Variants in ADAMTSL3 observed in about 807,000 individuals in gnomAD.
ADAMTSL3 encodes the protein ADAMTS like 3.
Under a neutral mutation model 201.7 loss-of-function variants are expected in ADAMTSL3, and 128 were observed. The observed-to-expected ratio is 0.63, with a 90% confidence interval of 0.55 to 0.73. ADAMTSL3 has a LOEUF of 0.73. ADAMTSL3 is among the 30% of genes least tolerant of loss of function. The probability of loss-of-function intolerance (pLI) is 0.00; values close to 1 mark genes in which losing one functional copy is unlikely to be tolerated. For missense variants in ADAMTSL3, 1,990 were observed against 2,119.6 expected, an observed-to-expected ratio of 0.94 and a Z score of 1.20; for synonymous variants, 738 against 748.4, an observed-to-expected ratio of 0.99 and a Z score of 0.23.
At chr15:83,713,261 C>G (rs957674366) in intron 3 of ADAMTSL3, among the ~76,000 whole-genome samples, 2 of 152,202 alleles carry the variant, frequency 1.3e-5, no homozygotes, top group African/African-American at 4.8e-5. Context: ...CTCAATGTCA[C>G]CTTTGATCAT....
At chr15:83,928,352 A>C (rs2066287442) in intron 17 of ADAMTSL3, among the ~76,000 whole-genome samples, 1 of 152,142 alleles carries the variant, frequency 6.6e-6, no homozygotes, top group African/African-American at 2.4e-5. Context: ...AAAGAAGAGT[A>C]AAAAGAAGAA....
At position 84,025,380 on chromosome 15, in the gene ADAMTSL3, C is replaced by T. The variant is rs780875109; in HGVS notation, c.4600C>T (p.Leu1534=). ...PRACAPKDRP[L]GRKPCFGHPC... The stretch of plus-strand genomic sequence containing the variant: ...AGCATGTGCCCCTAAAGACCGGCCT[C>T]TGGGAAGAAAACCATGTTTTGGTCA... Residue 1534 remains leucine, a synonymous_variant, in exon 27 of 30, where the codon CTG becomes TTG. Coordinates refer to ENST00000286744, the MANE Select transcript of ADAMTSL3 (RefSeq NM_207517.3). The T allele has an allele frequency of 1.5e-5, 25 of 1,614,008 alleles. No homozygotes were observed. The Admixed American group carries it at 2.7e-4, about 17-fold the overall frequency.
chr15:83,933,354 A>G (rs2142011670), intron 17 of ADAMTSL3, among the ~76,000 whole-genome samples: 1 of 152,350 alleles, frequency 6.6e-6, no homozygotes, highest in Non-Finnish European at 1.5e-5. Flanking sequence ...ACTTTAAACC[A>G]GAGGGGGTGA....
intron 24 of ADAMTSL3, among the ~76,000 whole-genome samples, chr15:84,015,996 C>G (rs1421231302): frequency 6.6e-6 from 1 of 152,220 alleles, no homozygotes; most frequent in African/African-American, 2.4e-5. Context: ...GTACTCCTCA[C>G]CATGCAAACC....
chr15:83,982,771 ACCACAT>A lies in ADAMTSL3; in HGVS notation c.3144_3149del (p.His1049_Ile1050del), dbSNP rs772758538. Reference sequence around the variant, plus strand: ...AAAAATGACCTTTATCTGGATGATGACCACATTAGTAACCAGCCTTTCTTGAGAGCT... The same window carrying A: ...AAAAATGACCTTTATCTGGATGATGATAGTAACCAGCCTTTCTTGAGAGCT... On this transcript the variant is annotated inframe_deletion, in exon 21 of 30. Coordinates refer to ENST00000286744, the MANE Select transcript of ADAMTSL3 (RefSeq NM_207517.3). 4 of 1,614,110 alleles carry A rather than the reference ACCACAT, an allele frequency of 2.5e-6. No individual in the cohort carries two copies. Among genetic ancestry groups the A allele is most frequent in the Non-Finnish European group, 3.4e-6 (4 of 1,180,042 alleles).
intron 23 of ADAMTSL3, among the ~76,000 whole-genome samples, chr15:84,013,175 A>G (rs947814060): frequency 2.0e-5 from 3 of 152,232 alleles, no homozygotes; most frequent in Non-Finnish European, 2.9e-5. Flanking sequence ...GACTTGAATA[A>G]TCAGCTTGAT....
At chr15:83,801,613 G>A (rs942986477) in intron 4 of ADAMTSL3, among the ~76,000 whole-genome samples, 1 of 114,684 alleles carries the variant, frequency 8.7e-6, no homozygotes, top group Non-Finnish European at 1.8e-5. Context: ...CACAAGAAAA[G>A]GTCAATGAAA....
chr15:83,834,125 G>C (rs1209412351), intron 6 of ADAMTSL3, among the ~76,000 whole-genome samples: 1 of 152,192 alleles, frequency 6.6e-6, no homozygotes, highest in Non-Finnish European at 1.5e-5. Context: ...GTGGTTGACA[G>C]GAGCCTCAGC....
chr15:84,002,142 A>C (rs577171121), intron 23 of ADAMTSL3, among the ~76,000 whole-genome samples: 2 of 152,330 alleles, frequency 1.3e-5, no homozygotes, highest in East Asian at 3.9e-4. Context: ...TGGTGAAAAC[A>C]TGGGCCTGTA....
Position 83,891,311 on chromosome 15 carries a change from C to A in ADAMTSL3, c.1212-18C>A. On this transcript the variant is annotated intron_variant, in intron 11 of 29. Transcript: ENST00000286744. ...ATTTATTATAGAAATGATATTCTCACAATGATTTCATTTGTAGTGATGGAT... is the reference window on the plus strand; with the variant it reads ...ATTTATTATAGAAATGATATTCTCAAAATGATTTCATTTGTAGTGATGGAT... 1 of 1,578,154 alleles carries A rather than the reference C, an allele frequency of 6.3e-7. No homozygotes were observed. Among genetic ancestry groups the A allele is most frequent in the African/African-American group, 1.3e-5 (1 of 74,280 alleles).
chr15:83,874,531 A>G lies in ADAMTSL3; in HGVS notation c.960+3572A>G, dbSNP rs767682972. Among the ~76,000 whole-genome samples, 11 of 143,396 alleles carry G rather than the reference A, an allele frequency of 7.7e-5. 1 individual carries two copies. Among genetic ancestry groups the G allele is most frequent in the Non-Finnish European group, 1.5e-4 (10 of 66,148 alleles). 94.1% of individuals were successfully genotyped at this position (143,396 alleles called of 152,430 possible). A position where few individuals can be genotyped will look rare whatever the true frequency, so the allele number is the denominator to read the frequency against. On this transcript the variant is annotated intron_variant, in intron 9 of 29. Transcript: ENST00000286744. The stretch of plus-strand genomic sequence containing the variant: ...GCGGAGAGGTGTAGGTAGAGAGACT[A>G]TGGGTCCTATTTTGTTCAGAAAAGG...
intron 4 of ADAMTSL3, among the ~76,000 whole-genome samples, chr15:83,798,264 G>C (rs1469593000): frequency 6.6e-6 from 1 of 152,152 alleles, no homozygotes; most frequent in Non-Finnish European, 1.5e-5. Context: ...AAATTTGCTT[G>C]TAGGCCTGAG....
intron 2 of ADAMTSL3, among the ~76,000 whole-genome samples, chr15:83,671,706 CT>C (rs2061331665): frequency 6.6e-6 from 1 of 152,202 alleles, no homozygotes; most frequent in Non-Finnish European, 1.5e-5. Context: ...AGTTCTCTCC[CT>C]CTGCTTTTGC....
intron 3 of ADAMTSL3, among the ~76,000 whole-genome samples, chr15:83,768,103 G>A (rs538763081): frequency 7.2e-5 from 11 of 152,300 alleles, no homozygotes; most frequent in African/African-American, 2.4e-4. Context: ...GTACAAATGG[G>A]AGAGAGCTGG....
chr15:83,926,765 G>A (rs2066254685), intron 17 of ADAMTSL3, among the ~76,000 whole-genome samples: 1 of 151,948 alleles, frequency 6.6e-6, no homozygotes, highest in South Asian at 2.1e-4. Flanking sequence ...ACAGGTGCCT[G>A]CCACCATGCC....
chr15:83,690,220 T>G (rs935873168), intron 2 of ADAMTSL3, among the ~76,000 whole-genome samples: 2 of 152,090 alleles, frequency 1.3e-5, no homozygotes, highest in African/African-American at 2.4e-5. Flanking sequence ...TCCCATCCAT[T>G]CTTCATAATA....
chr15:84,020,164 T>TA (rs2068171979), intron 25 of ADAMTSL3, among the ~76,000 whole-genome samples: 1 of 152,038 alleles, frequency 6.6e-6, no homozygotes, highest in Non-Finnish European at 1.5e-5. Flanking sequence ...ATACCTCAAT[T>TA]AAAAAAACAC....
intron 2 of ADAMTSL3, among the ~76,000 whole-genome samples, chr15:83,697,740 A>G (rs2061705009): frequency 1.3e-5 from 2 of 152,082 alleles, no homozygotes; most frequent in African/African-American, 2.4e-5. Flanking sequence ...CCTGAACCCA[A>G]TCCTTCTGAG....
intron 17 of ADAMTSL3, among the ~76,000 whole-genome samples, chr15:83,935,976 C>A (rs1474739053): frequency 6.6e-6 from 1 of 151,892 alleles, no homozygotes; most frequent in Non-Finnish European, 1.5e-5. Context: ...ATTGCACTAT[C>A]AGCAAATTTT....
Sources: allele counts gnomAD v4.1 joint callset (sites outside exome capture counted in the v4.1 genomes callset), GRCh38; gene constraint gnomAD v4.1.1; transcripts MANE v1.5; gene names NCBI Gene and HGNC (gene_info 2026-07-23, HGNC 2026-07-21).